The following CACNA2D1 variants were observed in gnomAD, a reference collection of about 807,000 sequenced individuals.
The protein encoded by CACNA2D1 is calcium voltage-gated channel auxiliary subunit alpha2delta 1.
A neutral mutation model predicts 171.5 loss-of-function variants in CACNA2D1; 53 were observed. That is an observed-to-expected ratio of 0.31 (90% confidence interval 0.25 to 0.39). CACNA2D1 has a LOEUF of 0.39. CACNA2D1 is among the 10% of genes least tolerant of loss of function. The probability of loss-of-function intolerance (pLI) is 1.00; values close to 1 mark genes in which losing one functional copy is unlikely to be tolerated. For missense variants in CACNA2D1, 903 were observed against 1,299.8 expected (o/e 0.69, Z 4.69); for synonymous variants, 442 against 443.1 (o/e 1.00, Z 0.03).
At chr7:82,153,411 C>A (rs1662775096) in intron 4 of CACNA2D1, among the ~76,000 whole-genome samples, 1 of 151,938 alleles carries the variant, frequency 6.6e-6, no homozygotes, top group Admixed American at 6.6e-5. Context: ...GATCTTATTT[C>A]TAATAAGTTT....
intron 12 of CACNA2D1, among the ~76,000 whole-genome samples, chr7:82,024,749 T>C (rs1297900208): frequency 1.3e-5 from 2 of 151,738 alleles, no homozygotes; most frequent in Non-Finnish European, 3.0e-5. Context: ...TTTCTCCCTG[T>C]TCTCTTTCAG....
At chr7:82,136,605 G>A (rs1791643016) in intron 5 of CACNA2D1, 30 bp downstream of exon 5, 2 of 1,529,802 alleles carry the variant, frequency 1.3e-6, no homozygotes, top group Non-Finnish European at 1.8e-6. Context: ...TAATTTTCTT[G>A]GAATTTAATG....
chr7:82,135,180 GC>G (rs1290614954), intron 5 of CACNA2D1, among the ~76,000 whole-genome samples: 1 of 151,864 alleles, frequency 6.6e-6, no homozygotes, highest in Non-Finnish European at 1.5e-5. Flanking sequence ...TTATTCTAAG[GC>G]TTTGTCATCG....
intron 4 of CACNA2D1, among the ~76,000 whole-genome samples, chr7:82,155,830 T>A (rs1172691126): frequency 6.6e-6 from 1 of 152,220 alleles, no homozygotes; most frequent in African/African-American, 2.4e-5. Context: ...AATTACTGTG[T>A]ATTTTGCAAA....
At chr7:82,114,496 G>T (rs1788802132) in intron 6 of CACNA2D1, among the ~76,000 whole-genome samples, 1 of 152,136 alleles carries the variant, frequency 6.6e-6, no homozygotes, top group Non-Finnish European at 1.5e-5. Context: ...TTTAATCCCA[G>T]CACTTTAGGA....
chr7:82,372,398 C>T (rs1449183117), intron 1 of CACNA2D1, among the ~76,000 whole-genome samples: 3 of 152,010 alleles, frequency 2.0e-5, no homozygotes, highest in Admixed American at 6.6e-5. Context: ...TGTAGCGTTT[C>T]CAAAACTACC....
At chr7:82,020,499 A>G (rs1023881892) in intron 12 of CACNA2D1, among the ~76,000 whole-genome samples, 1 of 152,152 alleles carries the variant, frequency 6.6e-6, no homozygotes, top group African/African-American at 2.4e-5. Flanking sequence ...TAAGGCATTA[A>G]TATATGGAAA....
At chr7:82,383,246 A>G (rs552354021) in intron 1 of CACNA2D1, among the ~76,000 whole-genome samples, 3 of 152,248 alleles carry the variant, frequency 2.0e-5, no homozygotes, top group South Asian at 2.1e-4. Flanking sequence ...TGGGCCACTA[A>G]TCTGTTCCAA....
intron 25 of CACNA2D1, among the ~76,000 whole-genome samples, chr7:81,974,056 A>G (rs562453759): frequency 6.6e-6 from 1 of 152,120 alleles, no homozygotes; most frequent in South Asian, 2.1e-4. Flanking sequence ...TATTCTACCC[A>G]TATTAAAACT....
At chr7:82,265,042 C>A (rs1807641972) in intron 3 of CACNA2D1, among the ~76,000 whole-genome samples, 1 of 152,124 alleles carries the variant, frequency 6.6e-6, no homozygotes. Context: ...AGTCTTCGTC[C>A]AAACCCAGGT....
intron 4 of CACNA2D1, among the ~76,000 whole-genome samples, chr7:82,167,610 A>G (rs1584980476): frequency 6.6e-6 from 1 of 152,112 alleles, no homozygotes. Flanking sequence ...CATAAAGACT[A>G]TGTATGGCTG....
intron 3 of CACNA2D1, among the ~76,000 whole-genome samples, chr7:82,216,238 C>T (rs985935404): frequency 6.6e-6 from 1 of 152,064 alleles, no homozygotes; most frequent in Non-Finnish European, 1.5e-5. Context: ...TTGAGAAGTT[C>T]CCAAGCCTAA....
chr7:81,996,830 ATTCC>A (rs1383214877), intron 19 of CACNA2D1, among the ~76,000 whole-genome samples: 1 of 151,870 alleles, frequency 6.6e-6, no homozygotes, highest in Non-Finnish European at 1.5e-5. Context: ...GGGTGGTTGG[ATTCC>A]TTCCAACTTT....
intron 4 of CACNA2D1, among the ~76,000 whole-genome samples, chr7:82,167,461 G>A (rs1051269285): frequency 2.0e-5 from 3 of 151,858 alleles, no homozygotes; most frequent in African/African-American, 7.2e-5. Flanking sequence ...AAGCTGAGAG[G>A]AATGTATTAT....
intron 21 of CACNA2D1, 54 bp from the exon 22 acceptor site, chr7:81,984,765 C>T: frequency 4.2e-6 from 4 of 942,618 alleles, no homozygotes; most frequent in South Asian, 2.8e-5. Context: ...TGAAACATAA[C>T]TTAAAAAAAA....
chr7:82,254,457 A>T (rs978138850), intron 3 of CACNA2D1, among the ~76,000 whole-genome samples: 1 of 151,802 alleles, frequency 6.6e-6, no homozygotes, highest in Non-Finnish European at 1.5e-5. Flanking sequence ...ATTATGATTT[A>T]ATATATATAT....
intron 3 of CACNA2D1, among the ~76,000 whole-genome samples, chr7:82,204,661 T>C (rs1042693798): frequency 5.9e-5 from 9 of 152,088 alleles, no homozygotes; most frequent in Non-Finnish European, 1.0e-4. Flanking sequence ...GTAAGGCCTA[T>C]GTGTTAAACC....
intron 3 of CACNA2D1, among the ~76,000 whole-genome samples, chr7:82,312,361 A>C (rs967405662): frequency 6.6e-6 from 1 of 152,162 alleles, no homozygotes; most frequent in African/African-American, 2.4e-5. Context: ...TGACTTAAAA[A>C]TCACTAGAAA....
chr7:82,378,245 T>A (rs1324076891), intron 1 of CACNA2D1, among the ~76,000 whole-genome samples: 1 of 151,904 alleles, frequency 6.6e-6, no homozygotes, highest in African/African-American at 2.4e-5. Flanking sequence ...AAAAAATGTT[T>A]TTAATTAGCT....
Sources: allele counts gnomAD v4.1 joint callset (sites outside exome capture counted in the v4.1 genomes callset), GRCh38; gene constraint gnomAD v4.1.1; transcripts MANE v1.5; gene names NCBI Gene and HGNC (gene_info 2026-07-23, HGNC 2026-07-21).